DDX46: variants seen among roughly 807,000 people sequenced by gnomAD.
DDX46 encodes DEAD-box helicase 46.
A neutral mutation model predicts 134.9 loss-of-function variants in DDX46; 30 were observed. The observed-to-expected ratio is 0.22, with a 90% CI of 0.17 to 0.30. The LOEUF (loss-of-function observed/expected upper bound fraction) is 0.30, where lower values mean the gene tolerates loss of function less well. Ranked by LOEUF, DDX46 falls within the 10% of genes least tolerant of loss-of-function variation. DDX46 has a pLI of 1.00. For synonymous variants in DDX46, 415 were observed against 404.1 expected, an observed-to-expected ratio of 1.03 and a Z score of -0.32; for missense variants, 622 against 1,248.7, an observed-to-expected ratio of 0.50 and a Z score of 7.56.
chr5:134,815,046 A>G (rs1054079790), intron 18 of DDX46, among the ~76,000 whole-genome samples: 36 of 152,120 alleles, frequency 2.4e-4, no homozygotes, highest in Non-Finnish European at 8.8e-5. Flanking sequence ...CAGGAGTTCA[A>G]GACCCTCCTA....
At chr5:134,761,199 T>A (rs1219056107) in intron 1 of DDX46, among the ~76,000 whole-genome samples, 1 of 152,188 alleles carries the variant, frequency 6.6e-6, no homozygotes, top group Non-Finnish European at 1.5e-5. Context: ...CTAATTTTTG[T>A]ATTTTTTGTA....
chr5:134,765,990 G>T (rs1187066532), intron 2 of DDX46, among the ~76,000 whole-genome samples: 1 of 152,134 alleles, frequency 6.6e-6, no homozygotes, highest in Non-Finnish European at 1.5e-5. Context: ...TTTTAAAGAT[G>T]TCTAGTGAAG....
chr5:134,772,849 C>T lies in DDX46; in HGVS notation c.448-847C>T, dbSNP rs139816760. ...GGAGTTCTGCTCTTGTTGCTGAGGC[C>T]GGAGTACAATGGCGTGATCTCAGCT... On this transcript the variant is annotated intron_variant, in intron 4 of 22. Transcript: ENST00000452510. 3.0e-3 allele frequency among the ~76,000 whole-genome samples: 461 copies of T among 152,074 alleles called. 2 individuals carry two copies. Among genetic ancestry groups the T allele is most frequent in the African/African-American group, 0.011 (443 of 41,494 alleles).
intron 15 of DDX46, among the ~76,000 whole-genome samples, chr5:134,806,212 T>TA (rs376183224): frequency 0.011 from 1,532 of 142,076 alleles, 7 homozygotes; most frequent in Middle Eastern, 0.042. Flanking sequence ...ACTCCGTCTT[T>TA]AAAAAAAAAA....
chr5:134,767,118 G>T, intron 3 of DDX46, 58 bp downstream of exon 3: 1 of 1,498,008 alleles, frequency 6.7e-7, no homozygotes, highest in South Asian at 1.4e-5. Context: ...TCCCTTCTCT[G>T]CGCCTTTTTT....
intron 22 of DDX46, among the ~76,000 whole-genome samples, chr5:134,827,732 G>A (rs1441349402): frequency 6.6e-6 from 1 of 151,230 alleles, no homozygotes; most frequent in African/African-American, 2.5e-5. Context: ...CATTTTCATG[G>A]CCATATAATA....
intron 1 of DDX46, 123 bp from the exon 2 acceptor site, chr5:134,763,781 A>G (rs1753469879): frequency 4.2e-6 from 5 of 1,182,454 alleles, no homozygotes; most frequent in Non-Finnish European, 5.8e-6. Context: ...ATTTTAGAAA[A>G]ATTCATAAAA....
intron 11 of DDX46, 64 bp from the exon 12 acceptor site, chr5:134,788,449 C>T: frequency 7.6e-7 from 1 of 1,315,314 alleles, no homozygotes; most frequent in Non-Finnish European, 1.1e-6. Context: ...GAACTAAATG[C>T]AGTATTTTTT....
At chr5:134,773,257 G>A (rs1753829193) in intron 4 of DDX46, among the ~76,000 whole-genome samples, 1 of 152,128 alleles carries the variant, frequency 6.6e-6, no homozygotes, top group African/African-American at 2.4e-5. Flanking sequence ...TTATCATGTT[G>A]ATGTCGTTTA....
intron 15 of DDX46, among the ~76,000 whole-genome samples, chr5:134,796,853 TAAAA>T (rs140818499): frequency 2.5e-5 from 2 of 81,356 alleles, no homozygotes. Context: ...ACTCTCTCCA[TAAAA>T]AAAAAAAAAA....
At chr5:134,785,102 A>G (rs1030326280) in intron 10 of DDX46, among the ~76,000 whole-genome samples, 1 of 152,172 alleles carries the variant, frequency 6.6e-6, no homozygotes, top group Non-Finnish European at 1.5e-5. Context: ...CCTCAGACCA[A>G]GGTTGTTTCT....
At chr5:134,776,145 G>A (rs1031318767) in intron 5 of DDX46, among the ~76,000 whole-genome samples, 5 of 151,940 alleles carry the variant, frequency 3.3e-5, no homozygotes, top group South Asian at 2.1e-4. Context: ...TAATCCCAGC[G>A]CTTTGGGAGG....
intron 6 of DDX46, among the ~76,000 whole-genome samples, chr5:134,779,160 G>C (rs903088974): frequency 6.6e-6 from 1 of 152,080 alleles, no homozygotes; most frequent in Non-Finnish European, 1.5e-5. Context: ...GCCTCCCAAC[G>C]TGCTGGGATT....
intron 6 of DDX46, 112 bp from the exon 7 acceptor site, chr5:134,781,021 A>G (rs1754136134): frequency 4.1e-6 from 3 of 737,906 alleles, no homozygotes; most frequent in Non-Finnish European, 6.2e-6. Flanking sequence ...CCATGTCACT[A>G]AAAAAAGAAA....
chr5:134,810,112 A>G (rs1176536650), intron 16 of DDX46, among the ~76,000 whole-genome samples: 1 of 151,858 alleles, frequency 6.6e-6, no homozygotes, highest in African/African-American at 2.4e-5. Context: ...TGGTCTTGCC[A>G]TTTTTGCCCA....
chr5:134,765,556 A>C (rs1374410050), intron 2 of DDX46, among the ~76,000 whole-genome samples: 1 of 151,892 alleles, frequency 6.6e-6, no homozygotes, highest in Non-Finnish European at 1.5e-5. Flanking sequence ...CCATCTCAAA[A>C]CAGAAAAAAA....
At chr5:134,791,404 C>T (rs1580797195) in intron 13 of DDX46, among the ~76,000 whole-genome samples, 2 of 151,770 alleles carry the variant, frequency 1.3e-5, no homozygotes, top group Non-Finnish European at 2.9e-5. Context: ...ACTAAAAATA[C>T]AAAAAAATTA....
intron 20 of DDX46, 58 bp downstream of exon 20, chr5:134,817,772 A>G (rs944568229): frequency 6.3e-6 from 9 of 1,433,836 alleles, no homozygotes; most frequent in African/African-American, 2.9e-5. Flanking sequence ...CTTTGGAGGA[A>G]AAATCTCATC....
intron 18 of DDX46, 22 bp from the exon 19 acceptor site, chr5:134,816,408 C>T: frequency 1.3e-6 from 2 of 1,557,428 alleles, no homozygotes; most frequent in South Asian, 1.2e-5. Flanking sequence ...TTTTACTAGT[C>T]CTTTTTTTCC....
Sources: gnomAD v4.1 joint callset for allele counts (sites outside exome capture counted in the v4.1 genomes callset) on GRCh38, gnomAD v4.1.1 for gene constraint, MANE v1.5 for transcripts, NCBI Gene and HGNC (gene_info 2026-07-23, HGNC 2026-07-21) for gene names.